The following CYRIA variants were observed in gnomAD, a reference collection of about 807,000 sequenced individuals.
CYRIA encodes the protein CYFIP-related Rac1 interactor A.
CYRIA carries 15 observed loss-of-function variants against 43.9 expected under a neutral mutation model. That is an observed-to-expected ratio of 0.34 (90% CI 0.23 to 0.53). The LOEUF (loss-of-function observed/expected upper bound fraction) is 0.53, where lower values mean the gene tolerates loss of function less well. Among genes scored for constraint, CYRIA ranks in the 20% least tolerant of loss-of-function variants. The probability of loss-of-function intolerance (pLI) is 0.94; values close to 1 mark genes in which losing one functional copy is unlikely to be tolerated. For synonymous variants in CYRIA, 117 were observed against 136.0 expected, an observed-to-expected ratio of 0.86 and a Z score of 0.97; for missense variants, 236 against 394.2, an observed-to-expected ratio of 0.60 and a Z score of 3.40.
intron 2 of CYRIA, among the ~76,000 whole-genome samples, chr2:16,590,252 T>A (rs540626093): frequency 5.8e-4 from 88 of 152,156 alleles, no homozygotes; most frequent in South Asian, 1.0e-3. Context: ...AAGGTTGGGC[T>A]GGTAGAGTCC....
intron 1 of CYRIA, among the ~76,000 whole-genome samples, chr2:16,653,134 G>C (rs1286409758): frequency 1.3e-5 from 2 of 152,196 alleles, no homozygotes; most frequent in South Asian, 2.1e-4. Flanking sequence ...GCCAGCATGA[G>C]AACAGGCCAG....
At chr2:16,627,956 G>A (rs1168969601) in intron 1 of CYRIA, among the ~76,000 whole-genome samples, 1 of 152,232 alleles carries the variant, frequency 6.6e-6, no homozygotes, top group Non-Finnish European at 1.5e-5. Context: ...ATGTCCCAGA[G>A]AGATGGAGCA....
intron 2 of CYRIA, among the ~76,000 whole-genome samples, chr2:16,606,056 T>C (rs762775175): frequency 6.6e-6 from 1 of 152,088 alleles, no homozygotes; most frequent in Admixed American, 6.5e-5. Flanking sequence ...TTTCCACCCA[T>C]AGGCAGATGA....
intron 2 of CYRIA, among the ~76,000 whole-genome samples, chr2:16,603,879 A>G (rs1439369905): frequency 5.9e-5 from 9 of 152,244 alleles, no homozygotes; most frequent in Admixed American, 5.9e-4. Flanking sequence ...TCAGAAAGTT[A>G]TTCAAACACT....
intron 4 of CYRIA, among the ~76,000 whole-genome samples, chr2:16,564,989 C>G (rs566133850): frequency 6.6e-6 from 1 of 152,244 alleles, no homozygotes; most frequent in Non-Finnish European, 1.5e-5. Context: ...CTTCATGGTT[C>G]ATATTTCAAC....
intron 2 of CYRIA, among the ~76,000 whole-genome samples, chr2:16,592,769 T>C (rs1423636003): frequency 6.6e-6 from 1 of 152,084 alleles, no homozygotes; most frequent in South Asian, 2.1e-4. Context: ...GACTCTCTCT[T>C]AGCTATGACT....
chr2:16,632,104 C>T (rs1230319992), intron 1 of CYRIA, among the ~76,000 whole-genome samples: 2 of 152,192 alleles, frequency 1.3e-5, no homozygotes, highest in African/African-American at 4.8e-5. Context: ...GCCATAAGGC[C>T]GGCTAGGAGG....
intron 1 of CYRIA, among the ~76,000 whole-genome samples, chr2:16,638,814 A>G (rs1486565873): frequency 1.5e-5 from 2 of 134,584 alleles, no homozygotes; most frequent in African/African-American, 5.6e-5. Context: ...ATCTGTATCT[A>G]TGTAATATCA....
intron 2 of CYRIA, among the ~76,000 whole-genome samples, chr2:16,588,430 A>T (rs1224864683): frequency 8.1e-6 from 1 of 123,014 alleles, no homozygotes; most frequent in African/African-American, 4.2e-5. Flanking sequence ...TTCACCATAT[A>T]AAAAAAAAAA....
intron 1 of CYRIA, among the ~76,000 whole-genome samples, chr2:16,665,419 G>T (rs1212555118): frequency 6.6e-6 from 1 of 151,912 alleles, no homozygotes; most frequent in Non-Finnish European, 1.5e-5. Flanking sequence ...GGTGGGAAGG[G>T]GAGTGTTAGG....
intron 2 of CYRIA, among the ~76,000 whole-genome samples, chr2:16,593,737 TTA>T (rs59476290): frequency 0.05 from 6,614 of 131,144 alleles, 277 homozygotes; most frequent in Middle Eastern, 0.07. Flanking sequence ...TTTTTTTTTT[TTA>T]TTATACTCTA....
chr2:16,629,747 G>C (rs2103519350), intron 1 of CYRIA, among the ~76,000 whole-genome samples: 1 of 152,316 alleles, frequency 6.6e-6, no homozygotes, highest in Non-Finnish European at 1.5e-5. Flanking sequence ...TTGGTAAATA[G>C]ACCTTTTTGC....
At chr2:16,652,949 T>C (rs1226309346) in intron 1 of CYRIA, among the ~76,000 whole-genome samples, 2 of 152,186 alleles carry the variant, frequency 1.3e-5, no homozygotes, top group African/African-American at 2.4e-5. Context: ...AAAGTTCCAA[T>C]GTTTATTTAA....
At chr2:16,564,669 CGTATGTGTGTGTGT>C (rs1666864934) in intron 4 of CYRIA, among the ~76,000 whole-genome samples, 1 of 151,580 alleles carries the variant, frequency 6.6e-6, no homozygotes, top group Non-Finnish European at 1.5e-5. Context: ...TGCATGTGTG[CGTATGTGTGTGTGT>C]GTATGTGTGT....
In CYRIA at chr2:16,563,144, G is replaced by T. The variant is rs562049601; in HGVS notation, c.298+845C>A. ...TTTTCCTTCTGTTGAGCAAAAATTT[G>T]GCTCCTCAGAATTTCCATTCACTGG... On this transcript the variant is annotated intron_variant, in intron 5 of 11. Coordinates refer to ENST00000381323, the MANE Select transcript of CYRIA (RefSeq NM_030797.4). Among the ~76,000 whole-genome samples, 579 of 152,196 alleles carry T rather than the reference G, an allele frequency of 3.8e-3. 7 individuals carry two copies. Among genetic ancestry groups the T allele is most frequent in the Non-Finnish European group, 5.6e-3 (382 of 68,000 alleles).
rs548983096 is a variant in CYRIA at position 16,616,402 on chromosome 2, G to C, written c.-11+7462C>G. 3.3e-5 allele frequency among the ~76,000 whole-genome samples: 5 copies of C among 152,218 alleles called. No individual in the cohort carries two copies. In the South Asian group the frequency reaches 1.0e-3, roughly 32 times the overall value. ...GACATCCTTCCCTACGTCACCCTTTGTCAACTCTCCAGCCTTCCCTGGCTC... is the reference window on the plus strand; with the variant it reads ...GACATCCTTCCCTACGTCACCCTTTCTCAACTCTCCAGCCTTCCCTGGCTC... On this transcript the variant is annotated intron_variant, in intron 2 of 11. Transcript: ENST00000381323.
Position 16,574,839 on chromosome 2 carries a change from G to A in CYRIA, c.71-9072C>T, listed in dbSNP as rs144031152. ...GGCACTCATGGAGAACCTCTGCTAG[G>A]GCAGTGCAGAAGTGAAATGTGGGAC... On this transcript the variant is annotated intron_variant, in intron 3 of 11. Coordinates refer to ENST00000381323, the MANE Select transcript of CYRIA (RefSeq NM_030797.4). 6.4e-3 allele frequency among the ~76,000 whole-genome samples: 969 copies of A among 152,300 alleles called. 14 individuals are homozygous for A. The highest frequency in any genetic ancestry group is 0.022 in the African/African-American group (917 of 41,564).
chr2:16,566,177 T>A (rs966493281), intron 3 of CYRIA, among the ~76,000 whole-genome samples: 1 of 152,210 alleles, frequency 6.6e-6, no homozygotes, highest in Non-Finnish European at 1.5e-5. Context: ...TAAATACACA[T>A]AACATAAAGT....
Position 16,559,597 on chromosome 2 carries a change from A to T in CYRIA, c.711-11T>A, listed in dbSNP as rs1666654278. ...CTACTTCTGTACTCCCTGCAAGAGA[A>T]GAAACAGCAGTGGCGTCACTTCCTT... On this transcript the variant is annotated splice_polypyrimidine_tract_variant and intron_variant, in intron 9 of 11. Coordinates refer to ENST00000381323, the MANE Select transcript of CYRIA (RefSeq NM_030797.4). The T allele has an allele frequency of 2.5e-6, 4 of 1,610,230 alleles. No homozygotes were observed. Among genetic ancestry groups the T allele is most frequent in the Non-Finnish European group, 3.4e-6 (4 of 1,177,994 alleles).
Sources: gnomAD v4.1 joint callset for allele counts (sites outside exome capture counted in the v4.1 genomes callset) on GRCh38, gnomAD v4.1.1 for gene constraint, MANE v1.5 for transcripts, NCBI Gene and HGNC (gene_info 2026-07-23, HGNC 2026-07-21) for gene names.